MYH16: variants seen among roughly 807,000 people sequenced by gnomAD.
MYH16 encodes putative uncharacterized protein MYH16.
chr7:99,246,229 GA>G lies in MYH16; in HGVS notation n.355-1355del, dbSNP rs1352734161. ...TCTAAAAAAAAAAAAAGAAAGAAAA[GA>G]AAAAAAAAAGAGAAAGAAAGAAAAA... On this transcript the variant is annotated intron_variant and non_coding_transcript_variant, in intron 2 of 41. Coordinates refer to ENST00000439784, the Ensembl canonical transcript of MYH16. Among the ~76,000 whole-genome samples the G allele has an allele frequency of 3.7e-4, 51 of 137,172 alleles. No individual in the cohort carries two copies. In the East Asian group the frequency reaches 5.0e-3, roughly 13 times the overall value. 90.0% of individuals were successfully genotyped at this position (137,172 alleles called of 152,430 possible). A position where few individuals can be genotyped will look rare whatever the true frequency, so the allele number is the denominator to read the frequency against.
At chr7:99,306,536 AT>A (rs60684033) in intron 41 of MYH16, 72 bp from the exon 23 acceptor site, 99 of 151,976 alleles carry the variant, frequency 6.5e-4, no homozygotes, top group Non-Finnish European at 1.2e-3. Flanking sequence ...CAAAAAAAAA[AT>A]TTTTTTTTAA....
chr7:99,249,549 A>C (rs1271206377), intron 4 of MYH16, among the ~76,000 whole-genome samples: 1 of 150,792 alleles, frequency 6.6e-6, no homozygotes, highest in Non-Finnish European at 1.5e-5. Context: ...AAAAAAAAAA[A>C]AAAAAAAGAA....
intron 2 of MYH16, among the ~76,000 whole-genome samples, chr7:99,246,206 TAA>T (rs111736161): frequency 8.9e-5 from 9 of 100,580 alleles, no homozygotes; most frequent in Non-Finnish European, 1.7e-4. Context: ...GCTCTGTCTC[TAA>T]AAAAAAAAAA....
chr7:99,297,136 TAA>T (rs1792511314), intron 34 of MYH16, among the ~76,000 whole-genome samples: 1 of 152,078 alleles, frequency 6.6e-6, no homozygotes, highest in Non-Finnish European at 1.5e-5. Context: ...TCCTCATCTA[TAA>T]AATGAGGAAA....
At chr7:99,277,550 C>G in exon 21 of MYH16, 1 of 457,084 alleles carries the variant, frequency 2.2e-6, no homozygotes, top group Non-Finnish European at 4.4e-6. Context: ...TCAAGCCACT[C>G]CTGAATGTGG....
intron 9 of MYH16, among the ~76,000 whole-genome samples, chr7:99,256,246 C>T (rs980661757): frequency 7.8e-6 from 1 of 127,538 alleles, no homozygotes. Context: ...TGAGACCAGC[C>T]TAGGCAACAT....
chr7:99,250,292 C>A (rs983952711), intron 5 of MYH16, among the ~76,000 whole-genome samples: 1 of 152,166 alleles, frequency 6.6e-6, no homozygotes, highest in Non-Finnish European at 1.5e-5. Flanking sequence ...CTGCCCCAGG[C>A]CATGTCTGCC....
At chr7:99,302,933 A>C (rs1792623504) in intron 38 of MYH16, 132 bp from the exon 20 acceptor site, 1 of 151,876 alleles carries the variant, frequency 6.6e-6, no homozygotes, top group Non-Finnish European at 1.5e-5. Context: ...CCCATACCCC[A>C]CGCAGAGGGC....
intron 29 of MYH16, 46 bp downstream of exon 10, chr7:99,288,183 A>C: frequency 2.2e-6 from 1 of 448,910 alleles, no homozygotes; most frequent in Non-Finnish European, 4.5e-6. Flanking sequence ...CACTCCTGTA[A>C]TCCCAGCACT....
chr7:99,282,330 A>G (rs371059135), intron 23 of MYH16, among the ~76,000 whole-genome samples: 5 of 152,122 alleles, frequency 3.3e-5, no homozygotes, highest in South Asian at 2.1e-4. Flanking sequence ...CCGGCCTCAC[A>G]GTGGTTATGT....
chr7:99,248,728 T>C (rs1323937500), intron 3 of MYH16, among the ~76,000 whole-genome samples: 15 of 152,202 alleles, frequency 9.9e-5, no homozygotes, highest in Admixed American at 9.8e-4. Flanking sequence ...TGCTTAGGAC[T>C]GGGTAGCTTT....
intron 9 of MYH16, among the ~76,000 whole-genome samples, chr7:99,256,905 C>A (rs1420769120): frequency 6.6e-6 from 1 of 152,070 alleles, no homozygotes; most frequent in African/African-American, 2.4e-5. Flanking sequence ...GAGCCATGAT[C>A]GTGCCACTGC....
At chr7:99,253,291 G>C (rs1025608165) in intron 7 of MYH16, 3 of 150,094 alleles carry the variant, frequency 2.0e-5, no homozygotes, top group Non-Finnish European at 4.4e-5. Context: ...AGGTTGCAGT[G>C]AGCCGAGATC....
chr7:99,278,514 G>C (rs990455987), intron 21 of MYH16, among the ~76,000 whole-genome samples: 1 of 152,096 alleles, frequency 6.6e-6, no homozygotes, highest in African/African-American at 2.4e-5. Flanking sequence ...TCACTGCTGG[G>C]GTCCTTCTGG....
chr7:99,275,536 G>A (rs1792099884), intron 20 of MYH16, among the ~76,000 whole-genome samples: 1 of 152,214 alleles, frequency 6.6e-6, no homozygotes, highest in Admixed American at 6.5e-5. Context: ...GCCTATTAAA[G>A]TAACTATGTC....
intron 18 of MYH16, among the ~76,000 whole-genome samples, chr7:99,269,416 C>T (rs1792022783): frequency 6.6e-6 from 1 of 152,072 alleles, no homozygotes; most frequent in African/African-American, 2.4e-5. Flanking sequence ...GCTGGGACTA[C>T]AGGTGCACAC....
At chr7:99,292,535 G>T in intron 32 of MYH16, 27 bp downstream of exon 13, 1 of 453,892 alleles carries the variant, frequency 2.2e-6, no homozygotes, top group Non-Finnish European at 4.5e-6. Context: ...TGTTGAGAGA[G>T]CCAGGTGGGC....
intron 17 of MYH16, chr7:99,265,776 G>A (rs1245653420): frequency 6.5e-6 from 1 of 152,718 alleles, no homozygotes; most frequent in Non-Finnish European, 1.5e-5. Context: ...ATATTATGGT[G>A]CTCTGCCAAT....
At chr7:99,309,355 G>T (rs1792727330), downstream of MYH16, among the ~76,000 whole-genome samples, 1 of 152,102 alleles carries the variant, frequency 6.6e-6, no homozygotes, top group African/African-American at 2.4e-5. Flanking sequence ...CAGTAATGGT[G>T]GTCAGTTTGG....
Sources: gnomAD v4.1 joint callset for allele counts (sites outside exome capture counted in the v4.1 genomes callset) on GRCh38, gnomAD v4.1.1 for gene constraint, MANE v1.5 for transcripts, NCBI Gene and HGNC (gene_info 2026-07-23, HGNC 2026-07-21) for gene names.